The following RORC variants were observed in gnomAD, a reference collection of about 807,000 sequenced individuals.
RORC encodes the protein nuclear receptor ROR-gamma.
A neutral mutation model predicts 64.5 loss-of-function variants in RORC; 13 were observed. That is an observed-to-expected ratio of 0.20 (90% CI 0.13 to 0.32). RORC has a LOEUF of 0.32. Ranked by LOEUF, RORC falls within the 10% of genes least tolerant of loss-of-function variation. The probability of loss-of-function intolerance (pLI) is 1.00; values close to 1 mark genes in which losing one functional copy is unlikely to be tolerated. For missense variants in RORC, 468 were observed against 669.5 expected (o/e 0.70, Z 3.32); for synonymous variants, 277 against 259.3 (o/e 1.07, Z -0.65).
intron 3 of RORC, 131 bp from the exon 4 acceptor site, chr1:151,816,936 C>G (rs1558166589): frequency 4.7e-6 from 5 of 1,054,628 alleles, no homozygotes; most frequent in Non-Finnish European, 6.6e-6. Context: ...TCTCCTCCAT[C>G]TATTTGTGTA....
intron 4 of RORC, 79 bp from the exon 5 acceptor site, chr1:151,815,504 T>A: frequency 2.0e-6 from 3 of 1,476,920 alleles, no homozygotes; most frequent in Non-Finnish European, 2.7e-6. Context: ...ATTTGGTCAT[T>A]AAAGGATTAA....
chr1:151,815,345 G>C lies in RORC; in HGVS notation c.379C>G (p.Gln127Glu). The C allele has an allele frequency of 1.3e-6, 2 of 1,590,932 alleles. No individual in the cohort carries two copies. The highest frequency in any genetic ancestry group is 2.2e-5 in the East Asian group (1 of 44,566). Residue 127 changes from glutamine to glutamate, a missense_variant, in exon 5 of 11, where the codon CAG becomes GAG. This residue lies in a region of RORC where 241 missense variants were observed against 295.5 expected (regional missense o/e 0.82). Coordinates refer to ENST00000318247, the MANE Select transcript of RORC (RefSeq NM_005060.4). ...EVQKQLQQRQ[Q>E]QQQEPVVKTP... ...TTGACCACTGGTTCCTGTTGCTGCT[G>C]TTGCCGCTGCTGCAGCTGTTTCTGC...
At chr1:151,825,624 C>G (rs770070355) in intron 2 of RORC, among the ~76,000 whole-genome samples, 13 of 152,174 alleles carry the variant, frequency 8.5e-5, no homozygotes, top group Non-Finnish European at 4.4e-5. Context: ...GGGCCAAGTA[C>G]GCGGCCTCCT....
At chr1:151,818,467 C>T (rs1651858714) in intron 2 of RORC, among the ~76,000 whole-genome samples, 1 of 152,172 alleles carries the variant, frequency 6.6e-6, no homozygotes, top group South Asian at 2.1e-4. Context: ...CTCATCTCTG[C>T]TTTGCCCTGT....
chr1:151,829,628 G>A (rs1488540959), intron 1 of RORC, among the ~76,000 whole-genome samples, 170 bp from the exon 2 acceptor site: 1 of 152,158 alleles, frequency 6.6e-6, no homozygotes. Flanking sequence ...CTGCCCTTGG[G>A]CCACACTGGC....
At chr1:151,808,418 C>A (rs1056331713) in intron 10 of RORC, among the ~76,000 whole-genome samples, 1 of 152,208 alleles carries the variant, frequency 6.6e-6, no homozygotes, top group African/African-American at 2.4e-5. Context: ...CTTGCAGTCT[C>A]CTCTACAACC....
At chr1:151,824,127 T>C (rs1652099642) in intron 2 of RORC, among the ~76,000 whole-genome samples, 1 of 152,222 alleles carries the variant, frequency 6.6e-6, no homozygotes, top group Admixed American at 6.5e-5. Flanking sequence ...CCATGTGCTT[T>C]GACTTTTGCC....
At chr1:151,826,753 A>G (rs564703600) in intron 2 of RORC, among the ~76,000 whole-genome samples, 3 of 152,348 alleles carry the variant, frequency 2.0e-5, no homozygotes, top group Non-Finnish European at 2.9e-5. Flanking sequence ...CATAATCATA[A>G]TAATAGTGCT....
At position 151,814,655 on chromosome 1, in the gene RORC, T is replaced by C. The variant is rs200695270; in HGVS notation, c.852A>G (p.Thr284=). ...VQSVCKSYRE[T]CQLRLEDLLR... is the part of the protein sequence containing the mutation. ...GCAGGTCCTCCAGCCGCAGCTGGCA[T>C]GTCTCCCTGTAGGACTTGCAGACGC... is the stretch of plus-strand genomic sequence containing the variant. The change falls in exon 6 of 11, where the codon ACA becomes ACG. Residue 284 remains threonine (T), a synonymous_variant. Transcript: ENST00000318247. The C allele has an allele frequency of 1.9e-6, 3 of 1,612,980 alleles. No homozygotes were observed. The highest frequency in any genetic ancestry group is 2.2e-5 in the East Asian group (1 of 44,864).
intron 2 of RORC, among the ~76,000 whole-genome samples, chr1:151,819,927 C>T (rs544620093): frequency 4.6e-5 from 7 of 152,274 alleles, no homozygotes; most frequent in South Asian, 2.1e-4. Flanking sequence ...ACACACAAGG[C>T]CAAAGACTCT....
At chr1:151,831,432 C>T (rs866070206) in intron 1 of RORC, among the ~76,000 whole-genome samples, 16 of 152,214 alleles carry the variant, frequency 1.1e-4, no homozygotes, top group South Asian at 2.1e-4. Context: ...AGATCTGGCT[C>T]CCCTGACTTG....
chr1:151,814,874 C>T (rs199879782), intron 5 of RORC, 39 bp downstream of exon 5: 4 of 1,590,966 alleles, frequency 2.5e-6, no homozygotes, highest in Non-Finnish European at 8.6e-7. Flanking sequence ...AAACCCCTCC[C>T]TCATCTCTAC....
chr1:151,813,252 C>A lies in RORC; in HGVS notation c.1161G>T (p.Leu387=). ...CCTGCCCCTCACCCAAGGCTCGGAA[C>A]AGCTCCATGCCACCGTATTTGCCTT... ...FFEGKYGGME[L]FRALGCSELI... is the part of the protein sequence containing the mutation. The change falls in exon 8 of 11, where the codon CTG becomes CTT. Residue 387 remains leucine (L), a synonymous_variant. Coordinates refer to ENST00000318247, the MANE Select transcript of RORC (RefSeq NM_005060.4). The A allele has an allele frequency of 6.2e-7, 1 of 1,613,990 alleles. No individual in the cohort carries two copies. The highest frequency in any genetic ancestry group is 8.5e-7 in the Non-Finnish European group (1 of 1,179,858).
rs16833572 is a variant in RORC, at chr1:151,827,342, C to T, written c.70+2087G>A. Among the ~76,000 whole-genome samples the T allele has an allele frequency of 4.0e-3, 605 of 152,224 alleles. 6 individuals carry two copies. The highest frequency in any genetic ancestry group is 0.014 in the African/African-American group (587 of 41,550). ...TGAGGGTGTCTCAGCCTGGGAGGTC[C>T]CTCGGTATGTGAGTCTCTCTGGAGT... On this transcript the variant is annotated intron_variant, in intron 2 of 10. Transcript: ENST00000318247.
intron 2 of RORC, among the ~76,000 whole-genome samples, chr1:151,828,027 G>C (rs1652265004): frequency 6.6e-6 from 1 of 151,948 alleles, no homozygotes; most frequent in African/African-American, 2.4e-5. Context: ...ATTTCCGTGG[G>C]GCCCTGTGGC....
At position 151,830,915 on chromosome 1, in the gene RORC, T is replaced by C; in HGVS notation, c.40+810A>G. ...CAGAGCAGTCCTGTGGTGGGGGTGC[T>C]CCCCTTGCTCACCCAGGCAGCCAGT... On this transcript the variant is annotated intron_variant, in intron 1 of 10. Transcript: ENST00000318247. The surrounding 1 kb of genome is among the most constrained non-coding windows in gnomAD (Gnocchi z 4.0). The C allele has an allele frequency of 1.6e-6, 2 of 1,285,340 alleles. No individual in the cohort carries two copies. The highest frequency in any genetic ancestry group is 5.6e-5 in the East Asian group (1 of 17,974). The allele number at this position is 1,285,340 out of a possible 1,614,324, so 79.6% of individuals were successfully genotyped here.
intron 3 of RORC, 71 bp downstream of exon 3, chr1:151,817,124 G>GTGTGTT: frequency 1.1e-6 from 1 of 928,620 alleles, no homozygotes; most frequent in Non-Finnish European, 1.8e-6. Context: ...GTGTGTGTGT[G>GTGTGTT]TGTGTGTGCG....
At chr1:151,826,840 G>A (rs1276230780) in intron 2 of RORC, among the ~76,000 whole-genome samples, 2 of 152,174 alleles carry the variant, frequency 1.3e-5, no homozygotes, top group South Asian at 2.1e-4. Flanking sequence ...TATGTGGGCC[G>A]GGGGCAGTGG....
At chr1:151,826,776 T>A (rs936787224) in intron 2 of RORC, among the ~76,000 whole-genome samples, 3 of 152,196 alleles carry the variant, frequency 2.0e-5, no homozygotes, top group Non-Finnish European at 4.4e-5. Flanking sequence ...CTATTATGTG[T>A]CAGAAATGGT....
Sources: gnomAD v4.1 joint callset for allele counts (sites outside exome capture counted in the v4.1 genomes callset) on GRCh38, gnomAD v4.1.1 for gene constraint, gnomAD v4.1.1 regional missense constraint, Gnocchi (gnomAD v3.1) non-coding constraint, MANE v1.5 for transcripts, NCBI Gene and HGNC (gene_info 2026-07-23, HGNC 2026-07-21) for gene names.